Variants in NSG1 observed in about 807,000 individuals in gnomAD.
The protein encoded by NSG1 is neuronal vesicle trafficking associated 1.
Under a neutral mutation model 19.3 loss-of-function variants are expected in NSG1, and 9 were observed. That is an observed-to-expected ratio of 0.47 (90% CI 0.28 to 0.81). The LOEUF is 0.81. Ranked by LOEUF, NSG1 falls within the 40% of genes least tolerant of loss-of-function variation. NSG1 has a pLI of 0.11. For missense variants in NSG1, 236 were observed against 242.4 expected (o/e 0.97, Z 0.18); for synonymous variants, 104 against 107.0 (o/e 0.97, Z 0.17).
intron 3 of NSG1, among the ~76,000 whole-genome samples, chr4:4,405,830 C>T (rs1487649628): frequency 6.6e-6 from 1 of 152,208 alleles, no homozygotes; most frequent in Non-Finnish European, 1.5e-5. Flanking sequence ...GCTCCTCAGC[C>T]GTTGGGCCTG....
chr4:4,417,194 C>T (rs756265285), intron 4 of NSG1, 41 bp from the exon 5 acceptor site: 13 of 1,578,284 alleles, frequency 8.2e-6, no homozygotes, highest in Non-Finnish European at 1.7e-6. Flanking sequence ...GGCACCCCCT[C>T]TTGCACCGAC....
At chr4:4,397,055 G>GTGTGTGTGTGTGTGTGTGTA (rs1353760181) in intron 3 of NSG1, among the ~76,000 whole-genome samples, 2 of 151,968 alleles carry the variant, frequency 1.3e-5, no homozygotes, top group Non-Finnish European at 2.9e-5. Flanking sequence ...GTGTGTGTGT[G>GTGTGTGTGTGTGTGTGTGTA]TGTGTATGTA....
chr4:4,389,694 A>T (rs1722904549), intron 2 of NSG1, among the ~76,000 whole-genome samples: 1 of 152,144 alleles, frequency 6.6e-6, no homozygotes, highest in African/African-American at 2.4e-5. Flanking sequence ...TTCAGGTGAC[A>T]TGGCTTCTGA....
At chr4:4,396,842 C>T (rs924007116) in intron 3 of NSG1, among the ~76,000 whole-genome samples, 21 of 151,794 alleles carry the variant, frequency 1.4e-4, no homozygotes, top group Admixed American at 1.3e-4. Flanking sequence ...GTTTCCTTGG[C>T]ATTCAGCAGT....
At chr4:4,417,205 G>A (rs372632280) in intron 4 of NSG1, 30 bp from the exon 5 acceptor site, 96 of 1,603,684 alleles carry the variant, frequency 6.0e-5, no homozygotes, top group East Asian at 1.1e-4. Context: ...TTGCACCGAC[G>A]CGTGCTCTCA....
intron 4 of NSG1, among the ~76,000 whole-genome samples, chr4:4,411,000 G>T (rs1283626425): frequency 6.6e-6 from 1 of 152,028 alleles, no homozygotes; most frequent in African/African-American, 2.4e-5. Context: ...TGGGATTATA[G>T]GTGTGCGCCA....
In NSG1 at chr4:4,387,545, C is replaced by T. The variant is rs1374759474; in HGVS notation, c.-26-59C>T. 137 of 426,880 alleles carry T rather than the reference C, an allele frequency of 3.2e-4. 1 individual carries two copies. The highest frequency in any genetic ancestry group is 9.5e-4 in the East Asian group (16 of 16,784). 26.4% of individuals were successfully genotyped at this position (426,880 alleles called of 1,614,324 possible). A position where few individuals can be genotyped will look rare whatever the true frequency, so the allele number is the denominator to read the frequency against. On this transcript the variant is annotated intron_variant, in intron 1 of 4. Transcript: ENST00000621129. ...CGCCGGTGGGTGTGGGTGCCCACTTCCCCCCCGCCCCGCCCCGGGTCTTGC... is the reference window on the plus strand; with the variant it reads ...CGCCGGTGGGTGTGGGTGCCCACTTTCCCCCCGCCCCGCCCCGGGTCTTGC...
chr4:4,416,751 C>A (rs1216183569), intron 4 of NSG1, among the ~76,000 whole-genome samples: 1 of 152,130 alleles, frequency 6.6e-6, no homozygotes, highest in Non-Finnish European at 1.5e-5. Context: ...TTCTGACTCC[C>A]GCCCCAAGGC....
In NSG1 at chr4:4,402,371, A is replaced by ATT. The variant is rs1161754574; in HGVS notation, c.247-7169_247-7168dup. Reference sequence around the variant, plus strand: ...TAGACACGCAGCACCACGCCTGGTTATTTTTTTTTTTTTTTTTTTTTTTTT... The same window carrying ATT: ...TAGACACGCAGCACCACGCCTGGTTATTTTTTTTTTTTTTTTTTTTTTTTTTT... On this transcript the variant is annotated intron_variant, in intron 3 of 4. Transcript: ENST00000621129. Among the ~76,000 whole-genome samples the ATT allele has an allele frequency of 7.8e-3, 423 of 53,950 alleles. 45 individuals are homozygous for ATT. Among genetic ancestry groups the ATT allele is most frequent in the African/African-American group, 0.01 (170 of 16,496 alleles). 35.4% of individuals were successfully genotyped at this position (53,950 alleles called of 152,430 possible).
intron 3 of NSG1, among the ~76,000 whole-genome samples, chr4:4,394,178 T>C (rs753243120): frequency 6.6e-6 from 1 of 152,332 alleles, no homozygotes; most frequent in Non-Finnish European, 1.5e-5. Flanking sequence ...CTTGGAGAAG[T>C]GGGTTTGTGT....
In NSG1 at chr4:4,402,371, A is replaced by ATTTTTTT. The variant is rs1161754574; in HGVS notation, c.247-7174_247-7168dup. On this transcript the variant is annotated intron_variant, in intron 3 of 4. Transcript: ENST00000621129. ...TAGACACGCAGCACCACGCCTGGTT[A>ATTTTTTT]TTTTTTTTTTTTTTTTTTTTTTTTT... 6.1e-4 allele frequency among the ~76,000 whole-genome samples: 33 copies of ATTTTTTT among 53,952 alleles called. 6 individuals are homozygous for ATTTTTTT. The highest frequency in any genetic ancestry group is 1.4e-3 in the African/African-American group (23 of 16,512). The allele number at this position is 53,952 out of a possible 152,430, so 35.4% of individuals were successfully genotyped here.
intron 2 of NSG1, among the ~76,000 whole-genome samples, chr4:4,390,474 T>C (rs944052058): frequency 2.6e-5 from 4 of 152,220 alleles, no homozygotes; most frequent in Non-Finnish European, 5.9e-5. Flanking sequence ...CATCCCCAGT[T>C]GCTGGGGTCT....
At position 4,417,874 on chromosome 4, in the gene NSG1, C is replaced by T. The variant is rs553639149; in HGVS notation, c.*439C>T. 13 of 247,512 alleles carry T rather than the reference C, an allele frequency of 5.3e-5. No individual in the cohort carries two copies. Among genetic ancestry groups the T allele is most frequent in the Non-Finnish European group, 7.9e-5 (10 of 126,940 alleles). 15.3% of individuals were successfully genotyped at this position (247,512 alleles called of 1,614,324 possible). Reference sequence around the variant, plus strand: ...AGAGCAAGCCTACTTCGCATTTCTTCCTCGGCCATCAGCGGGTAACAGTGC... The same window carrying T: ...AGAGCAAGCCTACTTCGCATTTCTTTCTCGGCCATCAGCGGGTAACAGTGC... On this transcript the variant is annotated 3_prime_UTR_variant, in exon 5 of 5. Transcript: ENST00000621129.
intron 1 of NSG1, among the ~76,000 whole-genome samples, 191 bp from the exon 2 acceptor site, chr4:4,387,413 C>G (rs1474370234): frequency 6.6e-6 from 1 of 152,132 alleles, no homozygotes; most frequent in Admixed American, 6.5e-5. Flanking sequence ...AGATGAGGGT[C>G]TAGAAATACA....
intron 3 of NSG1, among the ~76,000 whole-genome samples, chr4:4,393,979 C>A (rs1275287524): frequency 6.6e-6 from 1 of 152,218 alleles, no homozygotes; most frequent in Non-Finnish European, 1.5e-5. Context: ...GCAATGGCAT[C>A]TAACAGTGAC....
At chr4:4,403,295 A>G (rs1723668723) in intron 3 of NSG1, among the ~76,000 whole-genome samples, 1 of 152,176 alleles carries the variant, frequency 6.6e-6, no homozygotes, top group Non-Finnish European at 1.5e-5. Flanking sequence ...CAGAAGTCCT[A>G]AGTCAGTTTC....
chr4:4,412,528 G>C (rs1223108447), intron 4 of NSG1, among the ~76,000 whole-genome samples: 1 of 152,056 alleles, frequency 6.6e-6, no homozygotes, highest in Non-Finnish European at 1.5e-5. Flanking sequence ...AGGAAGGCCA[G>C]GGAGCTGCTG....
chr4:4,401,932 G>A (rs1486512068), intron 3 of NSG1, among the ~76,000 whole-genome samples: 1 of 152,040 alleles, frequency 6.6e-6, no homozygotes, highest in African/African-American at 2.4e-5. Context: ...CCAGGCTGGT[G>A]TGTAGTGGCA....
chr4:4,398,489 C>A (rs1373912319), intron 3 of NSG1, among the ~76,000 whole-genome samples: 1 of 151,930 alleles, frequency 6.6e-6, no homozygotes. Context: ...TGTTTTGTGT[C>A]CCTGTGACTT....
Sources: gnomAD v4.1 joint callset for allele counts (sites outside exome capture counted in the v4.1 genomes callset) on GRCh38, gnomAD v4.1.1 for gene constraint, MANE v1.5 for transcripts, NCBI Gene and HGNC (gene_info 2026-07-23, HGNC 2026-07-21) for gene names.